ANOS1: variants seen among roughly 807,000 people sequenced by gnomAD.
ANOS1 encodes anosmin 1.
A neutral mutation model predicts 59.0 loss-of-function variants in ANOS1; 6 were observed. The ratio of observed to expected loss-of-function variants is 0.10; its 90% CI spans 0.06 to 0.20. The LOEUF is 0.20. Ranked by LOEUF, ANOS1 falls within the 10% of genes least tolerant of loss-of-function variation. The pLI is 1.00. For missense variants in ANOS1, 433 were observed against 542.3 expected, an observed-to-expected ratio of 0.80 and a Z score of 2.00; for synonymous variants, 217 against 223.4, an observed-to-expected ratio of 0.97 and a Z score of 0.25.
intron 6 of ANOS1, among the ~76,000 whole-genome samples, chrX:8,584,063 C>T (rs1307670218): frequency 1.8e-5 from 2 of 111,933 alleles, no homozygotes. Context: ...CAGCATCTGT[C>T]TCTAGAGGCT....
At chrX:8,577,111 C>T (rs1930342092) in intron 6 of ANOS1, among the ~76,000 whole-genome samples, 2 of 111,960 alleles carry the variant, frequency 1.8e-5, no homozygotes, top group South Asian at 7.5e-4. Context: ...AGACTGCTCT[C>T]CCCTAGTTGG....
chrX:8,545,349 AGAGG>A (rs942250410), intron 9 of ANOS1, among the ~76,000 whole-genome samples: 8 of 98,410 alleles, frequency 8.1e-5, no homozygotes, highest in African/African-American at 2.7e-4. Context: ...GAAGAAAGAG[AGAGG>A]GAGGGAGGGA....
intron 2 of ANOS1, among the ~76,000 whole-genome samples, chrX:8,658,384 A>C (rs1206549926): frequency 9.0e-6 from 1 of 111,671 alleles, no homozygotes; most frequent in African/African-American, 3.3e-5. Context: ...TTTCCCTGCC[A>C]GTTCACTTAT....
intron 2 of ANOS1, among the ~76,000 whole-genome samples, chrX:8,685,047 C>T (rs972544421): frequency 1.4e-4 from 16 of 110,933 alleles, no homozygotes; most frequent in African/African-American, 5.2e-4. Context: ...CTGCGGCTCT[C>T]ACAGTTCTCC....
At position 8,597,005 on chromosome X, in the gene ANOS1, G is replaced by C. The variant is rs371272029; in HGVS notation, c.541+29C>G. The C allele has an allele frequency of 6.1e-4, 732 of 1,209,347 alleles. 7 individuals are homozygous for C. The African/African-American group carries it at 0.011, about 18-fold the overall frequency. ...CACAGATATATGTGACACTGCATGT[G>C]TCTTCACACCCCCAGTGCTGCCCCT... On this transcript the variant is annotated intron_variant, in intron 4 of 13. Transcript: ENST00000262648.
intron 7 of ANOS1, among the ~76,000 whole-genome samples, chrX:8,569,584 G>C (rs1930189732): frequency 8.9e-6 from 1 of 112,055 alleles, no homozygotes; most frequent in African/African-American, 3.2e-5. Context: ...GGAGCTTGCA[G>C]TGAGCCGAGA....
At chrX:8,694,432 G>T (rs1358551376) in intron 2 of ANOS1, among the ~76,000 whole-genome samples, 2 of 112,587 alleles carry the variant, frequency 1.8e-5, no homozygotes, top group African/African-American at 6.5e-5. Context: ...ACTTTGGGAG[G>T]CCAAGGTAGG....
At chrX:8,634,798 A>G (rs926958177) in intron 2 of ANOS1, among the ~76,000 whole-genome samples, 2 of 111,948 alleles carry the variant, frequency 1.8e-5, no homozygotes, top group African/African-American at 6.5e-5. Context: ...ATATAAATCT[A>G]TGGGCAGAGA....
rs972379031 is a variant in ANOS1, at chrX:8,660,855, G to A, written c.256-37185C>T. ...CCTAGAAGCTGAACAGCAAACAGGAGGACAAGAGAACCACAGCAGTGCAAA... is the reference window on the plus strand; with the variant it reads ...CCTAGAAGCTGAACAGCAAACAGGAAGACAAGAGAACCACAGCAGTGCAAA... On this transcript the variant is annotated intron_variant, in intron 2 of 13. Coordinates refer to ENST00000262648, the MANE Select transcript of ANOS1 (RefSeq NM_000216.4). Among the ~76,000 whole-genome samples, 29 of 111,504 alleles carry A rather than the reference G, an allele frequency of 2.6e-4. 1 individual carries two copies. The highest frequency in any genetic ancestry group is 5.6e-5 in the Non-Finnish European group (3 of 53,170).
At chrX:8,659,406 T>TTCTCTC (rs373535341) in intron 2 of ANOS1, among the ~76,000 whole-genome samples, 1 of 108,381 alleles carries the variant, frequency 9.2e-6, no homozygotes, top group Non-Finnish European at 1.9e-5. Context: ...GTGAGACTCT[T>TTCTCTC]TCTCTCTCTC....
chrX:8,534,239 T>A, intron 13 of ANOS1, 80 bp downstream of exon 13: 1 of 1,023,505 alleles, frequency 9.8e-7, no homozygotes, highest in Non-Finnish European at 1.4e-6. Context: ...TGTATTTATT[T>A]GTTTTCATTT....
intron 8 of ANOS1, among the ~76,000 whole-genome samples, chrX:8,566,677 A>G (rs1291326271): frequency 9.0e-6 from 1 of 111,524 alleles, no homozygotes; most frequent in Non-Finnish European, 1.9e-5. Context: ...ACTTTTAGGT[A>G]AAATTTATAT....
At chrX:8,667,302 G>GT (rs112175610) in intron 2 of ANOS1, among the ~76,000 whole-genome samples, 7 of 109,238 alleles carry the variant, frequency 6.4e-5, no homozygotes, top group African/African-American at 1.0e-4. Flanking sequence ...TTGTTTGTTT[G>GT]TTTTTTGCGG....
intron 3 of ANOS1, among the ~76,000 whole-genome samples, chrX:8,612,355 C>T (rs756023756): frequency 9.0e-6 from 1 of 110,710 alleles, no homozygotes; most frequent in African/African-American, 3.3e-5. Context: ...GTGCATAGGG[C>T]AAAATTTATA....
chrX:8,596,611 G>T (rs967723228), intron 4 of ANOS1, among the ~76,000 whole-genome samples: 4 of 111,882 alleles, frequency 3.6e-5, no homozygotes, highest in African/African-American at 1.3e-4. Context: ...ATGTTCTTGG[G>T]TCATATCGGC....
At chrX:8,668,424 T>C (rs190279086) in intron 2 of ANOS1, among the ~76,000 whole-genome samples, 19,648 of 81,021 alleles carry the variant, frequency 0.24, 2,073 homozygotes, top group East Asian at 0.5. Context: ...TATATATATA[T>C]ATATATACAC....
chrX:8,694,153 G>GTCTGATTAATCC (rs1932648612), intron 2 of ANOS1, among the ~76,000 whole-genome samples: 1 of 111,830 alleles, frequency 8.9e-6, no homozygotes, highest in Non-Finnish European at 1.9e-5. Flanking sequence ...AGGGCCTAGG[G>GTCTGATTAATCC]CATAGTAGAT....
chrX:8,548,005 G>A lies in ANOS1; in HGVS notation c.1354+5947C>T, dbSNP rs748590739. Among the ~76,000 whole-genome samples, 43 of 112,103 alleles carry A rather than the reference G, an allele frequency of 3.8e-4. 1 individual carries two copies. Among genetic ancestry groups the A allele is most frequent in the Non-Finnish European group, 6.2e-4 (33 of 53,180 alleles). ...GCTGGGATTACAGGCGTGAGCCACC[G>A]CGCCTGGCCAATTCAAAGTTTTAAA... On this transcript the variant is annotated intron_variant, in intron 9 of 13. Transcript: ENST00000262648.
At chrX:8,608,089 T>A (rs1185021910) in intron 3 of ANOS1, among the ~76,000 whole-genome samples, 3 of 111,833 alleles carry the variant, frequency 2.7e-5, no homozygotes, top group Non-Finnish European at 5.6e-5. Context: ...ACAAGCAAGA[T>A]AACTGCTGTA....
Sources: allele counts gnomAD v4.1 joint callset (sites outside exome capture counted in the v4.1 genomes callset), GRCh38; gene constraint gnomAD v4.1.1; transcripts MANE v1.5; gene names NCBI Gene and HGNC (gene_info 2026-07-23, HGNC 2026-07-21).